Variants in TMEM255B observed in about 807,000 individuals in gnomAD.
The protein encoded by TMEM255B is transmembrane protein 255B.
Under a neutral mutation model 34.5 loss-of-function variants are expected in TMEM255B, and 35 were observed. That is an observed-to-expected ratio of 1.01 (90% CI 0.77 to 1.34). TMEM255B has a LOEUF of 1.34. Ranked by LOEUF, TMEM255B falls within the 40% of genes most tolerant of loss-of-function variation. TMEM255B has a pLI of 0.00. For synonymous variants in TMEM255B, 206 were observed against 201.2 expected, an observed-to-expected ratio of 1.02 and a Z score of -0.20; for missense variants, 432 against 433.2, an observed-to-expected ratio of 1.00 and a Z score of 0.02.
Position 113,812,879 on chromosome 13 carries a change from A to G in TMEM255B, c.*976A>G, listed in dbSNP as rs117282675. On this transcript the variant is annotated 3_prime_UTR_variant, in exon 9 of 9. Transcript: ENST00000375353. ...CATCCCGGGTGGGTCACAGGTCCCGAGTGGGTCACAGGCCCCGGGTGAGTC... is the reference window on the plus strand; with the variant it reads ...CATCCCGGGTGGGTCACAGGTCCCGGGTGGGTCACAGGCCCCGGGTGAGTC... 0.031 allele frequency: 2,109 copies of G among 68,702 alleles called. 160 individuals are homozygous for G. The highest frequency in any genetic ancestry group is 0.14 in the African/African-American group (1,816 of 12,688). 4.3% of individuals were successfully genotyped at this position (68,702 alleles called of 1,614,324 possible).
At chr13:113,766,400 C>T (rs1376761437) in intron 2 of TMEM255B, 143 bp downstream of exon 2, 3 of 1,182,116 alleles carry the variant, frequency 2.5e-6, no homozygotes, top group Non-Finnish European at 3.7e-6. Context: ...AGGGTTATGG[C>T]CCCCACAGAC....
At position 113,780,205 on chromosome 13, in the gene TMEM255B, T is replaced by C. The variant is rs537145372; in HGVS notation, c.252+11045T>C. On this transcript the variant is annotated intron_variant, in intron 3 of 8. Transcript: ENST00000375353. Reference sequence around the variant, plus strand: ...CTGTGCAGGGACTGTGTACACAGAATAGGAGGCCAGTTTCCAAGGCCTTTC... The same window carrying C: ...CTGTGCAGGGACTGTGTACACAGAACAGGAGGCCAGTTTCCAAGGCCTTTC... Among the ~76,000 whole-genome samples the C allele has an allele frequency of 3.9e-5, 6 of 152,344 alleles. No individual in the cohort carries two copies. The South Asian group carries it at 1.2e-3, about 32-fold the overall frequency.
chr13:113,759,816 T>C (rs1289257624), intron 1 of TMEM255B, among the ~76,000 whole-genome samples: 21 of 152,194 alleles, frequency 1.4e-4, no homozygotes, highest in Non-Finnish European at 2.8e-4. Flanking sequence ...TGTTGCTTGG[T>C]TTCGGCTCGC....
At chr13:113,777,165 C>T (rs2050592565) in intron 3 of TMEM255B, among the ~76,000 whole-genome samples, 1 of 152,118 alleles carries the variant, frequency 6.6e-6, no homozygotes, top group Non-Finnish European at 1.5e-5. Flanking sequence ...GTTTCTGTGG[C>T]CACTCCGCAG....
intron 8 of TMEM255B, among the ~76,000 whole-genome samples, chr13:113,810,046 A>C (rs1172668296): frequency 6.6e-6 from 1 of 152,092 alleles, no homozygotes; most frequent in Non-Finnish European, 1.5e-5. Context: ...CCTTACCTAC[A>C]CCTGTGCAGA....
chr13:113,788,738 G>A (rs1231530995), intron 3 of TMEM255B, among the ~76,000 whole-genome samples: 1 of 152,054 alleles, frequency 6.6e-6, no homozygotes, highest in Non-Finnish European at 1.5e-5. Context: ...CTCGACCTGT[G>A]TACTCCACTC....
intron 3 of TMEM255B, 82 bp from the exon 4 acceptor site, chr13:113,795,066 C>G: frequency 1.5e-6 from 2 of 1,315,776 alleles, no homozygotes; most frequent in Non-Finnish European, 2.2e-6. Flanking sequence ...GCCCCGACCT[C>G]GAGCTGGGAC....
chr13:113,761,355 C>G (rs1345656700), intron 1 of TMEM255B: 1 of 985,316 alleles, frequency 1.0e-6, no homozygotes, highest in Non-Finnish European at 1.2e-6. Flanking sequence ...CAGGTAGGAC[C>G]TGGCGTGGGC....
chr13:113,798,292 G>A (rs1263680482), intron 4 of TMEM255B, among the ~76,000 whole-genome samples: 1 of 151,878 alleles, frequency 6.6e-6, no homozygotes, highest in Non-Finnish European at 1.5e-5. Context: ...ACGGATGATG[G>A]ATGGATGGTG....
chr13:113,768,468 AG>A (rs1018594771), intron 2 of TMEM255B, among the ~76,000 whole-genome samples: 9 of 152,132 alleles, frequency 5.9e-5, no homozygotes, highest in Non-Finnish European at 1.3e-4. Context: ...CTGTGGAGTA[AG>A]GGGGCTCTGC....
chr13:113,782,410 T>C (rs970434816), intron 3 of TMEM255B, among the ~76,000 whole-genome samples: 2 of 152,224 alleles, frequency 1.3e-5, no homozygotes, highest in African/African-American at 2.4e-5. Context: ...TCCCATTACA[T>C]TTATCTAATT....
At position 113,801,788 on chromosome 13, in the gene TMEM255B, C is replaced by A; in HGVS notation, c.645C>A (p.Ala215=). 6.2e-7 allele frequency: 1 copy of A among 1,611,160 alleles called. No individual in the cohort carries two copies. Among genetic ancestry groups the A allele is most frequent in the Non-Finnish European group, 8.5e-7 (1 of 1,178,736 alleles). The change falls in exon 7 of 9, where the codon GCC becomes GCA. Residue 215 remains alanine (A), a synonymous_variant. Transcript: ENST00000375353. ...TGTTCCTGGGCATCATCACCGCCGC[C>A]GTCCTGGGGGCCTTCAAGGACATGG... is the stretch of plus-strand genomic sequence containing the variant. ...LGLFLGIITA[A]VLGAFKDMVP...
At chr13:113,810,466 G>A (rs1467682673) in intron 8 of TMEM255B, among the ~76,000 whole-genome samples, 1 of 152,212 alleles carries the variant, frequency 6.6e-6, no homozygotes. Context: ...GGGTCTATGT[G>A]TGTTAGTCAG....
intron 3 of TMEM255B, among the ~76,000 whole-genome samples, chr13:113,784,277 G>A (rs2050707710): frequency 6.6e-6 from 1 of 152,140 alleles, no homozygotes; most frequent in African/African-American, 2.4e-5. Context: ...CCAGATTCCT[G>A]TTTATAAAGA....
chr13:113,791,970 G>A (rs754180040), intron 3 of TMEM255B, among the ~76,000 whole-genome samples: 2 of 152,194 alleles, frequency 1.3e-5, no homozygotes, highest in Admixed American at 6.5e-5. Context: ...CGGCACCCAC[G>A]AGAAGGGTGC....
chr13:113,801,535 G>A (rs1333070003), intron 6 of TMEM255B, 118 bp from the exon 7 acceptor site: 2 of 1,214,792 alleles, frequency 1.6e-6, no homozygotes, highest in African/African-American at 1.5e-5. Context: ...GCGTTGACTG[G>A]GCTCCAGCCC....
chr13:113,783,818 A>AG (rs1414345465), intron 3 of TMEM255B, among the ~76,000 whole-genome samples: 1 of 151,740 alleles, frequency 6.6e-6, no homozygotes, highest in East Asian at 1.9e-4. Flanking sequence ...GAGAGTACAG[A>AG]GGGGGTTCAT....
At chr13:113,780,824 T>C (rs144844653) in intron 3 of TMEM255B, among the ~76,000 whole-genome samples, 17 of 152,324 alleles carry the variant, frequency 1.1e-4, no homozygotes, top group South Asian at 4.1e-4. Flanking sequence ...TAGCCATAGT[T>C]AAAGACACAA....
chr13:113,809,109 G>A (rs2051249598), intron 8 of TMEM255B, among the ~76,000 whole-genome samples: 1 of 114,690 alleles, frequency 8.7e-6, no homozygotes, highest in Non-Finnish European at 1.8e-5. Flanking sequence ...ATGGTTCCCG[G>A]GGGCTTAACT....
Sources: gnomAD v4.1 joint callset for allele counts (sites outside exome capture counted in the v4.1 genomes callset) on GRCh38, gnomAD v4.1.1 for gene constraint, MANE v1.5 for transcripts, NCBI Gene and HGNC (gene_info 2026-07-23, HGNC 2026-07-21) for gene names.